The following KARS1 variants were observed in gnomAD, a reference collection of about 807,000 sequenced individuals.
The protein encoded by KARS1 is lysyl-tRNA synthetase 1, also known as lysine--tRNA ligase.
KARS1 carries 50 observed loss-of-function variants against 63.9 expected under a neutral mutation model. The observed-to-expected ratio is 0.78, with a 90% CI of 0.62 to 0.99. The LOEUF is 0.99. KARS1 is among the 50% of genes least tolerant of loss of function. KARS1 has a pLI of 0.00. For missense variants in KARS1, 816 were observed against 754.5 expected, an observed-to-expected ratio of 1.08 and a Z score of -0.95; for synonymous variants, 320 against 264.6, an observed-to-expected ratio of 1.21 and a Z score of -2.03.
intron 12 of KARS1, 56 bp from the exon 13 acceptor site, chr16:75,628,768 G>A (rs1342235099): frequency 7.6e-6 from 12 of 1,583,546 alleles, no homozygotes; most frequent in Admixed American, 5.0e-5. Flanking sequence ...CTCAGTGTGT[G>A]AGTGAACATG....
intron 3 of KARS1, among the ~76,000 whole-genome samples, chr16:75,637,916 AAG>A (rs2082180555): frequency 2.0e-5 from 3 of 151,598 alleles, no homozygotes; most frequent in South Asian, 2.1e-4. Flanking sequence ...AAAAAAAAAA[AAG>A]AAGACCCAAA....
chr16:75,635,571 G>T (rs2082152264), intron 6 of KARS1, 109 bp downstream of exon 6: 2 of 1,218,770 alleles, frequency 1.6e-6, no homozygotes, highest in Non-Finnish European at 2.4e-6. Flanking sequence ...ATTCTCATTA[G>T]GCATGAAGGA....
chr16:75,640,431 T>A, intron 2 of KARS1, 82 bp from the exon 3 acceptor site: 6 of 1,328,468 alleles, frequency 4.5e-6, no homozygotes, highest in Non-Finnish European at 6.5e-6. Context: ...AGGGCAGTAT[T>A]CTGCCCCCGA....
At position 75,644,927 on chromosome 16, in the gene KARS1, G is replaced by C. The variant is rs117585187; in HGVS notation, c.62+2651C>G. On this transcript the variant is annotated intron_variant, in intron 1 of 13. Transcript: ENST00000302445. ...GCCACACAAAAATACGTGTCAAAGA[G>C]AAGACTTGTTTGGAACTCTAGGAAC... 6.3e-3 allele frequency among the ~76,000 whole-genome samples: 967 copies of C among 152,354 alleles called. 14 individuals carry two copies. The highest frequency in any genetic ancestry group is 7.6e-3 in the Non-Finnish European group (517 of 68,038).
At chr16:75,636,379 TA>T in intron 4 of KARS1, 74 bp downstream of exon 4, 1 of 980,234 alleles carries the variant, frequency 1.0e-6, no homozygotes, top group Non-Finnish European at 1.7e-6. Context: ...CAAATACCAG[TA>T]AGACCACATC....
intron 1 of KARS1, 44 bp downstream of exon 1, chr16:75,647,534 A>T (rs747011824): frequency 1.3e-6 from 2 of 1,585,086 alleles, no homozygotes; most frequent in South Asian, 2.2e-5. Flanking sequence ...CCCAGCCCAG[A>T]CTCTCCTACC....
intron 3 of KARS1, among the ~76,000 whole-genome samples, chr16:75,638,960 G>A (rs542663008): frequency 6.6e-6 from 1 of 152,040 alleles, no homozygotes; most frequent in African/African-American, 2.4e-5. Flanking sequence ...CTGAGGTCAG[G>A]AGTTCAAGAC....
chr16:75,645,772 G>C (rs1567506285), intron 1 of KARS1, among the ~76,000 whole-genome samples: 1 of 150,794 alleles, frequency 6.6e-6, no homozygotes, highest in East Asian at 2.0e-4. Context: ...GCTTGAACCC[G>C]GGAGTTGCAA....
At chr16:75,646,539 T>TAA (rs781087516) in intron 1 of KARS1, among the ~76,000 whole-genome samples, 6 of 137,258 alleles carry the variant, frequency 4.4e-5, no homozygotes, top group Admixed American at 1.5e-4. Context: ...GACTCCATCT[T>TAA]AAAAAAAAAA....
intron 3 of KARS1, 24 bp downstream of exon 3, chr16:75,640,160 T>C (rs1567503398): frequency 1.2e-6 from 2 of 1,610,114 alleles, no homozygotes; most frequent in Non-Finnish European, 1.7e-6. Context: ...GGGAGTTCAG[T>C]GATTTGCCAG....
At chr16:75,628,074 T>G in intron 13 of KARS1, 81 bp from the exon 14 acceptor site, 1 of 861,778 alleles carries the variant, frequency 1.2e-6, no homozygotes. Flanking sequence ...TCCTCTTGCC[T>G]CTGTTGTTAC....
chr16:75,640,422 G>A (rs1355905923), intron 2 of KARS1, 73 bp from the exon 3 acceptor site: 9 of 1,459,592 alleles, frequency 6.2e-6, no homozygotes, highest in Non-Finnish European at 8.6e-6. Context: ...ACCTAGCAGA[G>A]GGCAGTATTC....
In KARS1 at chr16:75,647,651, G is replaced by C; in HGVS notation, c.-12C>G. 6.2e-7 allele frequency: 1 copy of C among 1,613,680 alleles called. No individual in the cohort carries two copies. The highest frequency in any genetic ancestry group is 8.5e-7 in the Non-Finnish European group (1 of 1,179,738). On this transcript the variant is annotated 5_prime_UTR_variant, in exon 1 of 14. Coordinates refer to ENST00000302445, the MANE Select transcript of KARS1 (RefSeq NM_005548.3). Reference sequence around the variant, plus strand: ...TGCACGGCCGCCATCTTCCCGGAGGGCCCGACCCAAAAGTAAGGAGGATAG... The same window carrying C: ...TGCACGGCCGCCATCTTCCCGGAGGCCCCGACCCAAAAGTAAGGAGGATAG...
At chr16:75,641,522 G>A in intron 2 of KARS1, 42 bp downstream of exon 2, 8 of 1,587,440 alleles carry the variant, frequency 5.0e-6, no homozygotes, top group Non-Finnish European at 6.9e-6. Flanking sequence ...CTCATCAGAA[G>A]CTTTCCTGTG....
chr16:75,637,364 A>C (rs957012514), intron 3 of KARS1, among the ~76,000 whole-genome samples: 1 of 152,008 alleles, frequency 6.6e-6, no homozygotes, highest in African/African-American at 2.4e-5. Context: ...AAAGCCCCCA[A>C]ATGGCCAAAG....
At chr16:75,634,007 G>C in intron 7 of KARS1, 166 bp downstream of exon 7, 1 of 773,564 alleles carries the variant, frequency 1.3e-6, no homozygotes, top group Non-Finnish European at 2.3e-6. Context: ...TAATCTTGTA[G>C]AGAAATTCTG....
rs1198298153 is a variant in KARS1 at position 75,631,491 on chromosome 16, G to A, written c.1177C>T (p.Arg393Ter). 4 of 1,614,124 alleles carry A rather than the reference G, an allele frequency of 2.5e-6. No homozygotes were observed. The highest frequency in any genetic ancestry group is 1.7e-6 in the Non-Finnish European group (2 of 1,180,008). The change falls in exon 9 of 14, where the codon CGA becomes TGA. Residue 393 changes from arginine (R) to a stop codon, truncating the protein, a stop_gained. Transcript: ENST00000302445. LOFTEE classifies it high-confidence loss of function. Reference sequence around the variant, plus strand: ...TCAAGCTCTTCTACCATGTTGATTCGCCGGAAGGGTGGGGTGAAGTCAACA... The same window carrying A: ...TCAAGCTCTTCTACCATGTTGATTCACCGGAAGGGTGGGGTGAAGTCAACA... ...YDVDFTPPFR[R>*]INMVEELEKA...
At chr16:75,639,563 C>T (rs989880431) in intron 3 of KARS1, among the ~76,000 whole-genome samples, 14 of 103,950 alleles carry the variant, frequency 1.3e-4, no homozygotes, top group South Asian at 9.8e-4. Context: ...CAGAGTGAGA[C>T]TATATCTCAA....
intron 12 of KARS1, 76 bp downstream of exon 12, chr16:75,629,339 G>A (rs962137380): frequency 1.3e-5 from 20 of 1,576,264 alleles, no homozygotes; most frequent in Non-Finnish European, 1.7e-5. Context: ...GAACGTATAC[G>A]CTGACACAGA....
Sources: allele counts gnomAD v4.1 joint callset (sites outside exome capture counted in the v4.1 genomes callset), GRCh38; gene constraint gnomAD v4.1.1; transcripts MANE v1.5; gene names NCBI Gene and HGNC (gene_info 2026-07-23, HGNC 2026-07-21).